The following ZNF347 variants were observed in gnomAD, a reference collection of about 807,000 sequenced individuals.
ZNF347 encodes CTD-2620I22.7.
In ZNF347, 19 loss-of-function variants were observed where a neutral mutation model predicts 12.9. The ratio of observed to expected loss-of-function variants is 1.47; its 90% confidence interval spans 1.03 to 2.16. The LOEUF (loss-of-function observed/expected upper bound fraction) is 2.16. ZNF347 is among the 30% of genes most tolerant of loss of function. ZNF347 has a pLI of 0.00. For synonymous variants in ZNF347, 328 were observed against 340.6 expected (o/e 0.96, Z 0.41); for missense variants, 1,005 against 990.6 (o/e 1.01, Z -0.19).
chr19:53,155,525 G>T (rs1217719134), intron 1 of ZNF347, among the ~76,000 whole-genome samples: 3 of 151,608 alleles, frequency 2.0e-5, no homozygotes. Context: ...CGTAGAGACG[G>T]AGTCTTGCTA....
rs1195915892 is a variant in ZNF347 at position 53,139,452 on chromosome 19, T to A, written c.*856A>T. 6.6e-6 allele frequency: 1 copy of A among 152,328 alleles called. No homozygotes were observed. Among genetic ancestry groups the A allele is most frequent in the East Asian group, 1.9e-4 (1 of 5,180 alleles). The allele number at this position is 152,328 out of a possible 1,614,324, so 9.4% of individuals were successfully genotyped here. The stretch of plus-strand genomic sequence containing the variant: ...CTTAAGGATGCAAAATAGCCACAGA[T>A]CCATAGTTCAGGTTGAAAGTCACAA... On this transcript the variant is annotated 3_prime_UTR_variant, in exon 5 of 5. Transcript: ENST00000334197.
Position 53,140,240 on chromosome 19 carries a change from C to CT in ZNF347, c.*67dup. The CT allele has an allele frequency of 7.1e-7, 1 of 1,409,880 alleles. No homozygotes were observed. The allele number at this position is 1,409,880 out of a possible 1,614,324, so 87.3% of individuals were successfully genotyped here. A position where few individuals can be genotyped will look rare whatever the true frequency, so the allele number is the denominator to read the frequency against. On this transcript the variant is annotated 3_prime_UTR_variant, in exon 5 of 5. Transcript: ENST00000334197. ...AAGGAATCTCTCAGGCATAAATTCT[C>CT]TGACGTTGTCAAAGGAATGAATTCT... is the stretch of plus-strand genomic sequence containing the variant.
At chr19:53,154,308 C>T (rs1233829143) in intron 1 of ZNF347, among the ~76,000 whole-genome samples, 1 of 151,770 alleles carries the variant, frequency 6.6e-6, no homozygotes, top group East Asian at 1.9e-4. Flanking sequence ...ATAGTGAGAC[C>T]CCATTTCTCT....
chr19:53,146,265 G>A (rs370448587), intron 4 of ZNF347, among the ~76,000 whole-genome samples: 4 of 151,996 alleles, frequency 2.6e-5, no homozygotes, highest in South Asian at 2.1e-4. Context: ...GTGAGCCACC[G>A]TGCCCGGCCT....
chr19:53,141,919 G>T lies in ZNF347; in HGVS notation c.909C>A (p.Asn303Lys), dbSNP rs2090430959. The T allele has an allele frequency of 6.2e-7, 1 of 1,613,704 alleles. No individual in the cohort carries two copies. Among genetic ancestry groups the T allele is most frequent in the Admixed American group, 1.7e-5 (1 of 59,966 alleles). The change falls in exon 5 of 5, where the codon AAC (asparagine) becomes AAA (lysine). Residue 303 changes from asparagine (N) to lysine (K), a missense_variant. Transcript: ENST00000334197. ...ECGKAFRTRS[N>K]LTTHQVIHTG... ...TATGGATCACCTGATGGGTAGTTAG[G>T]TTTGAACGTGTTCTAAAGGCTTTGC...
In ZNF347 at chr19:53,148,790, G is replaced by A; in HGVS notation, c.162C>T (p.Leu54=). Residue 54 remains leucine (L), a synonymous_variant, in exon 4 of 5, where the codon CTC becomes CTT. Transcript: ENST00000334197. The stretch of plus-strand genomic sequence containing the variant: ...CTTGCTCCAACATAGAGATAATACT[G>A]AGGTCAAAACAAGAGATTCCTGCTT... ...LASLGISCFD[L]SIISMLEQGK... The A allele has an allele frequency of 6.2e-7, 1 of 1,613,640 alleles. No homozygotes were observed. Among genetic ancestry groups the A allele is most frequent in the South Asian group, 1.1e-5 (1 of 91,026 alleles).
At chr19:53,149,392 G>A in intron 2 of ZNF347, 25 bp from the exon 3 acceptor site, 3 of 1,612,584 alleles carry the variant, frequency 1.9e-6, no homozygotes. Context: ...ACATCCACCA[G>A]GGGGATATAA....
In ZNF347 at chr19:53,151,782, AC is replaced by A. The variant is rs2090499710; in HGVS notation, c.15+1950del. 1.3e-5 allele frequency among the ~76,000 whole-genome samples: 2 copies of A among 152,114 alleles called. 1 individual carries two copies. The highest frequency in any genetic ancestry group is 4.1e-4 in the South Asian group (2 of 4,830). On this transcript the variant is annotated intron_variant, in intron 2 of 4. Transcript: ENST00000334197. ...AAGATACAATTTGAATTGCTAAAAA[AC>A]ACAAAACTTATTTAAAATCATGATG... is the stretch of plus-strand genomic sequence containing the variant.
intron 1 of ZNF347, 96 bp from the exon 2 acceptor site, chr19:53,153,889 AAT>A: frequency 1.2e-6 from 1 of 848,150 alleles, no homozygotes; most frequent in Non-Finnish European, 1.9e-6. Flanking sequence ...CCTATGCCAC[AAT>A]CACACACACA....
rs1284316167 is a variant in ZNF347, at chr19:53,142,155, G to C, written c.673C>G (p.Gln225Glu). ...TGGGTTTTGACATTATAAGGCATTT[G>C]TTGAGGTGGTGAAACTGAGGAATTA... ...NNNSSVSPPQ[Q>E]MPYNVKTHIS... Residue 225 changes from glutamine to glutamate, a missense_variant, in exon 5 of 5, where the codon CAA becomes GAA. Gln to Glu is a conservative substitution (Grantham distance 29). Transcript: ENST00000334197. The C allele has an allele frequency of 6.2e-7, 1 of 1,613,974 alleles. No homozygotes were observed. Among genetic ancestry groups the C allele is most frequent in the Non-Finnish European group, 8.5e-7 (1 of 1,179,970 alleles).
rs1183976304 is a variant in ZNF347 at position 53,135,327 on chromosome 19, TATATATATATATAGAGAGAG to T, written c.*4961_*4980del. 11 of 42,642 alleles carry T rather than the reference TATATATATATATAGAGAGAG, an allele frequency of 2.6e-4. No individual in the cohort carries two copies. Among genetic ancestry groups the T allele is most frequent in the African/African-American group, 7.2e-4 (9 of 12,430 alleles). The allele number at this position is 42,642 out of a possible 1,614,324, so 2.6% of individuals were successfully genotyped here. ...ATATATATATATATATATATATATA[TATATATATATATAGAGAGAG>T]AGAGAGAGAGAGAGAGAGAGAAAGA... On this transcript the variant is annotated 3_prime_UTR_variant, in exon 5 of 5. Transcript: ENST00000334197.
intron 3 of ZNF347, 138 bp from the exon 4 acceptor site, chr19:53,148,947 A>G: frequency 7.9e-7 from 1 of 1,259,874 alleles, no homozygotes. Context: ...GCTTCTTTAT[A>G]AATTGTTAGG....
chr19:53,153,701 G>C, intron 2 of ZNF347, 32 bp downstream of exon 2: 1 of 1,610,576 alleles, frequency 6.2e-7, no homozygotes. Flanking sequence ...AGAAATAAGA[G>C]ACAGAACAAT....
chr19:53,141,261 T>A lies in ZNF347; in HGVS notation c.1567A>T (p.Thr523Ser). 1 of 1,613,884 alleles carries A rather than the reference T, an allele frequency of 6.2e-7. No homozygotes were observed. Among genetic ancestry groups the A allele is most frequent in the Non-Finnish European group, 8.5e-7 (1 of 1,179,954 alleles). ...YKCNECGKVF[T>S]QNSHLANHQR... ...TGATTTGCAAGGTGTGAATTTTGAGTGAAGACCTTGCCACATTCATTACAT... is the reference window on the plus strand; with the variant it reads ...TGATTTGCAAGGTGTGAATTTTGAGAGAAGACCTTGCCACATTCATTACAT... The change falls in exon 5 of 5, where the codon ACT (threonine) becomes TCT (serine). Residue 523 changes from threonine (T) to serine (S), a missense_variant. By Grantham distance (58) the Thr-to-Ser change is moderately conservative. Transcript: ENST00000334197.
rs538440486 is a variant in ZNF347, at chr19:53,154,038, G to A, written c.-46-245C>T. The stretch of plus-strand genomic sequence containing the variant: ...TTTCTTCAGAACCCACTCTCCTCCT[G>A]GAGAAGCCCACACACACGCTGCAGC... On this transcript the variant is annotated intron_variant, in intron 1 of 4. Coordinates refer to ENST00000334197, the MANE Select transcript of ZNF347 (RefSeq NM_032584.3). Among the ~76,000 whole-genome samples, 366 of 152,168 alleles carry A rather than the reference G, an allele frequency of 2.4e-3. 2 individuals are homozygous for A. Among genetic ancestry groups the A allele is most frequent in the African/African-American group, 8.5e-3 (353 of 41,528 alleles).
Position 53,147,541 on chromosome 19 carries a change from T to TAG in ZNF347, c.271+1138_271+1139dup, listed in dbSNP as rs147437816. ...CCACTGAACTCCAGTCTGGGTGAGA[T>TAG]AGAGAGAGAGAGACTATCTCAAATA... On this transcript the variant is annotated intron_variant, in intron 4 of 4. Transcript: ENST00000334197. 1.5e-4 allele frequency among the ~76,000 whole-genome samples: 22 copies of TAG among 150,902 alleles called. No homozygotes were observed. In the South Asian group the frequency reaches 2.3e-3, roughly 16 times the overall value.
chr19:53,138,084 G>C lies in ZNF347; in HGVS notation c.*2224C>G, dbSNP rs184812020. ...GGCCTCCCTAAGTGCTGGGATTACAGGTGTGAGCCACCACACCCAGCCAAT... is the reference window on the plus strand; with the variant it reads ...GGCCTCCCTAAGTGCTGGGATTACACGTGTGAGCCACCACACCCAGCCAAT... On this transcript the variant is annotated 3_prime_UTR_variant, in exon 5 of 5. Coordinates refer to ENST00000334197, the MANE Select transcript of ZNF347 (RefSeq NM_032584.3). 6.6e-6 allele frequency: 1 copy of C among 151,924 alleles called. No individual in the cohort carries two copies. Among genetic ancestry groups the C allele is most frequent in the Non-Finnish European group, 1.5e-5 (1 of 68,062 alleles). 9.4% of individuals were successfully genotyped at this position (151,924 alleles called of 1,614,324 possible).
rs2090393158 is a variant in ZNF347, at chr19:53,137,349, T to G, written c.*2959A>C. On this transcript the variant is annotated 3_prime_UTR_variant, in exon 5 of 5. Transcript: ENST00000334197. Reference sequence around the variant, plus strand: ...GCTGATAATGTCCGTGTTCCCTCCTTTGGCACTAGATGGAAGTTCAAATCA... The same window carrying G: ...GCTGATAATGTCCGTGTTCCCTCCTGTGGCACTAGATGGAAGTTCAAATCA... 6.6e-6 allele frequency: 1 copy of G among 152,212 alleles called. No individual in the cohort carries two copies. The highest frequency in any genetic ancestry group is 1.5e-5 in the Non-Finnish European group (1 of 68,036). 9.4% of individuals were successfully genotyped at this position (152,212 alleles called of 1,614,324 possible).
In ZNF347 at chr19:53,141,571, G is replaced by GTGATT; in HGVS notation, c.1252_1256dup (p.His419GlnfsTer28). 6.2e-7 allele frequency: 1 copy of GTGATT among 1,605,864 alleles called. No homozygotes were observed. The highest frequency in any genetic ancestry group is 8.5e-7 in the Non-Finnish European group (1 of 1,177,262). ...GTTTCTCTCCAGTGTGAATTCTCCAGTGATTTGTAAGGTGTGAATTTTGAG... is the reference window on the plus strand; with the variant it reads ...GTTTCTCTCCAGTGTGAATTCTCCAGTGATTTGATTTGTAAGGTGTGAATTTTGAG... On this transcript the variant is annotated frameshift_variant, in exon 5 of 5. Transcript: ENST00000334197. LOFTEE classifies it low-confidence loss of function (END_TRUNC).
Sources: gnomAD v4.1 joint callset for allele counts (sites outside exome capture counted in the v4.1 genomes callset) on GRCh38, gnomAD v4.1.1 for gene constraint, MANE v1.5 for transcripts, NCBI Gene and HGNC (gene_info 2026-07-23, HGNC 2026-07-21) for gene names.